NIPBL: variants seen among roughly 807,000 people sequenced by gnomAD.
NIPBL encodes nipped-B-like protein.
A neutral mutation model predicts 321.8 loss-of-function variants in NIPBL; 19 were observed. The ratio of observed to expected loss-of-function variants is 0.06; its 90% CI spans 0.04 to 0.09. The LOEUF is 0.09. Ranked by LOEUF, NIPBL falls within the 10% of genes least tolerant of loss-of-function variation. The probability of loss-of-function intolerance (pLI) is 1.00; values close to 1 mark genes in which losing one functional copy is unlikely to be tolerated. For synonymous variants in NIPBL, 1,106 were observed against 1,114.1 expected (o/e 0.99, Z 0.14); for missense variants, 2,210 against 3,327.0 (o/e 0.66, Z 8.26).
chr5:37,057,195 G>A lies in NIPBL; in HGVS notation c.7273G>A (p.Val2425Met), dbSNP rs1173836031. 6.2e-7 allele frequency: 1 copy of A among 1,613,504 alleles called. No homozygotes were observed. Among genetic ancestry groups the A allele is most frequent in the Non-Finnish European group, 8.5e-7 (1 of 1,179,874 alleles). ...NLFDDTAKTD[V>M]TMLLYIADNL... is the part of the protein sequence containing the mutation. ...TTCTTAAAATTTACAGAAAACAGAC[G>A]TGACTATGCTCTTGTATATAGCAGA... The change falls in exon 43 of 47, where the codon GTG becomes ATG. Residue 2425 changes from valine to methionine, a missense_variant. Physicochemically the swap from Val to Met is conservative, Grantham distance 21 (BLOSUM62 1). Transcript: ENST00000282516.
At chr5:36,896,077 A>G (rs1746711565) in intron 1 of NIPBL, among the ~76,000 whole-genome samples, 1 of 152,126 alleles carries the variant, frequency 6.6e-6, no homozygotes, top group African/African-American at 2.4e-5. Context: ...TACATTTAAT[A>G]CTCTGATCCA....
chr5:37,050,551 C>A (rs1753428819), intron 40 of NIPBL, among the ~76,000 whole-genome samples: 1 of 151,832 alleles, frequency 6.6e-6, no homozygotes, highest in Non-Finnish European at 1.5e-5. Context: ...ATTCTCTTCA[C>A]CTCTATTCAC....
At chr5:37,021,128 G>T (rs939801542) in intron 27 of NIPBL, among the ~76,000 whole-genome samples, 12 of 152,100 alleles carry the variant, frequency 7.9e-5, no homozygotes, top group African/African-American at 2.4e-4. Context: ...GTGAAACCCC[G>T]TCTCTACTAA....
rs758436782 is a variant in NIPBL at position 36,985,663 on chromosome 5, G to T, written c.2483G>T (p.Gly828Val). The T allele has an allele frequency of 1.2e-6, 2 of 1,613,842 alleles. No individual in the cohort carries two copies. The highest frequency in any genetic ancestry group is 2.2e-5 in the East Asian group (1 of 44,894). ...AATAAACAAAAATCAGATGACAGGG[G>T]TGAATCAGAGCGACATCGAGGGGAT... ...HDNKQKSDDR[G>V]ESERHRGDQS... The change falls in exon 10 of 47, where the codon GGT (glycine) becomes GTT (valine). Residue 828 changes from glycine to valine, a missense_variant. Coordinates refer to ENST00000282516, the MANE Select transcript of NIPBL (RefSeq NM_133433.4).
chr5:36,921,334 C>G, intron 1 of NIPBL, among the ~76,000 whole-genome samples: 1 of 152,030 alleles, frequency 6.6e-6, no homozygotes, highest in East Asian at 1.9e-4. Flanking sequence ...ATCATTAGAA[C>G]TAGTATTATA....
intron 4 of NIPBL, among the ~76,000 whole-genome samples, chr5:36,960,683 C>T (rs917216513): frequency 6.6e-6 from 1 of 151,680 alleles, no homozygotes; most frequent in Non-Finnish European, 1.5e-5. Flanking sequence ...TTGCAGCTGC[C>T]AAAAAAGAGA....
intron 29 of NIPBL, 72 bp downstream of exon 29, chr5:37,022,462 TGTTAA>T (rs1444404848): frequency 9.6e-6 from 13 of 1,353,274 alleles, no homozygotes; most frequent in Admixed American, 2.5e-5. Flanking sequence ...TGTTTTAAAG[TGTTAA>T]GTTAGAAAAA....
At chr5:37,057,840 A>C (rs1337530760) in intron 43 of NIPBL, among the ~76,000 whole-genome samples, 1 of 152,198 alleles carries the variant, frequency 6.6e-6, no homozygotes, top group Admixed American at 6.5e-5. Context: ...TGTTTCTGTC[A>C]TGACTTTTAG....
At chr5:37,038,077 A>G (rs545060785) in intron 33 of NIPBL, among the ~76,000 whole-genome samples, 2 of 148,774 alleles carry the variant, frequency 1.3e-5, no homozygotes, top group Non-Finnish European at 3.0e-5. Context: ...GCAGCCTAGA[A>G]CTCCTGGGCT....
At chr5:36,903,184 T>C (rs1747367212) in intron 1 of NIPBL, among the ~76,000 whole-genome samples, 1 of 152,212 alleles carries the variant, frequency 6.6e-6, no homozygotes, top group Non-Finnish European at 1.5e-5. Flanking sequence ...TGTGGGGTTT[T>C]CTAGGAATAG....
chr5:36,886,041 CAGTG>C (rs781003827), intron 1 of NIPBL: 26 of 713,012 alleles, frequency 3.6e-5, no homozygotes, highest in Admixed American at 1.2e-4. Context: ...GAGAGCACCA[CAGTG>C]GTCACCACTC....
intron 24 of NIPBL, among the ~76,000 whole-genome samples, chr5:37,017,630 G>A (rs1315449412): frequency 6.6e-6 from 1 of 150,918 alleles, no homozygotes; most frequent in Non-Finnish European, 1.5e-5. Flanking sequence ...TAATGTGGAT[G>A]AAGTGGTAGT....
At chr5:36,930,323 A>G (rs1457274695) in intron 1 of NIPBL, among the ~76,000 whole-genome samples, 3 of 152,046 alleles carry the variant, frequency 2.0e-5, no homozygotes, top group South Asian at 2.1e-4. Flanking sequence ...CCTAGTTTGA[A>G]TGGAATTGTT....
intron 1 of NIPBL, among the ~76,000 whole-genome samples, chr5:36,923,222 C>T (rs1261806602): frequency 6.6e-6 from 1 of 152,070 alleles, no homozygotes; most frequent in Non-Finnish European, 1.5e-5. Flanking sequence ...AGGAGAATCG[C>T]TTGAACCCAG....
At chr5:36,946,738 G>A (rs1293056823) in intron 1 of NIPBL, among the ~76,000 whole-genome samples, 1 of 151,970 alleles carries the variant, frequency 6.6e-6, no homozygotes, top group Non-Finnish European at 1.5e-5. Flanking sequence ...ATCACACAAG[G>A]TGACAATATA....
chr5:37,039,640 T>C (rs1752110910), intron 34 of NIPBL, among the ~76,000 whole-genome samples: 1 of 152,084 alleles, frequency 6.6e-6, no homozygotes, highest in Admixed American at 6.5e-5. Context: ...TTAACAAATA[T>C]AAAGGTTTCT....
At chr5:37,014,845 A>G (rs993478910) in intron 22 of NIPBL, 80 bp downstream of exon 22, 6 of 843,994 alleles carry the variant, frequency 7.1e-6, no homozygotes, top group East Asian at 2.5e-5. Context: ...GATGAATCCA[A>G]TTTCCTGCCA....
chr5:37,036,335 GTATATATATATGTA>G (rs1004214245), intron 32 of NIPBL, 30 bp from the exon 33 acceptor site: 6 of 456,970 alleles, frequency 1.3e-5, no homozygotes, highest in African/African-American at 2.9e-5. Context: ...TTTCTTTTTT[GTATATATATATGTA>G]TATATATATA....
chr5:37,046,598 T>C (rs1753005718), intron 38 of NIPBL, among the ~76,000 whole-genome samples: 1 of 152,248 alleles, frequency 6.6e-6, no homozygotes, highest in African/African-American at 2.4e-5. Context: ...TACAGGAAGC[T>C]GCCACATCTG....
Sources: allele counts gnomAD v4.1 joint callset (sites outside exome capture counted in the v4.1 genomes callset), GRCh38; gene constraint gnomAD v4.1.1; transcripts MANE v1.5; gene names NCBI Gene and HGNC (gene_info 2026-07-23, HGNC 2026-07-21).